Variants in ADGRL2 observed in about 807,000 individuals in gnomAD.
The protein encoded by ADGRL2 is adhesion G protein-coupled receptor L2.
A neutral mutation model predicts 157.4 loss-of-function variants in ADGRL2; 44 were observed. The ratio of observed to expected loss-of-function variants is 0.28; its 90% CI spans 0.22 to 0.36. ADGRL2 has a LOEUF of 0.36. Ranked by LOEUF, ADGRL2 falls within the 10% of genes least tolerant of loss-of-function variation. ADGRL2 has a pLI of 1.00. For synonymous variants in ADGRL2, 585 were observed against 624.7 expected, an observed-to-expected ratio of 0.94 and a Z score of 0.95; for missense variants, 1,510 against 1,768.9, an observed-to-expected ratio of 0.85 and a Z score of 2.63.
intron 1 of ADGRL2, among the ~76,000 whole-genome samples, chr1:81,373,552 C>T (rs12037889): frequency 6.6e-6 from 1 of 152,156 alleles, no homozygotes; most frequent in Non-Finnish European, 1.5e-5. Flanking sequence ...ATGCTACTTA[C>T]AGGGTTCATC....
In ADGRL2 at chr1:81,989,767, T is replaced by C. The variant is rs1027340312; in HGVS notation, c.3656-624T>C. ...TTGGATGGTGCTTGTGGGCCCCTGGTCCAGTCAGTATGAGAGATGGCTGTC... is the reference window on the plus strand; with the variant it reads ...TTGGATGGTGCTTGTGGGCCCCTGGCCCAGTCAGTATGAGAGATGGCTGTC... On this transcript the variant is annotated intron_variant, in intron 23 of 23. Coordinates refer to ENST00000686636, the MANE Select transcript of ADGRL2 (RefSeq NM_001366006.2). The C allele has an allele frequency of 3.1e-6, 5 of 1,595,192 alleles. No homozygotes were observed. The African/African-American group carries it at 6.7e-5, about 21-fold the overall frequency.
upstream of ADGRL2, among the ~76,000 whole-genome samples, chr1:81,800,769 G>A (rs2087925080): frequency 6.6e-6 from 1 of 151,410 alleles, no homozygotes; most frequent in Non-Finnish European, 1.5e-5. Flanking sequence ...GCAGTGAGTG[G>A]AGTTTGGGGG....
At chr1:81,846,239 T>A (rs2092783048) in intron 2 of ADGRL2, among the ~76,000 whole-genome samples, 2 of 151,762 alleles carry the variant, frequency 1.3e-5, no homozygotes, top group Non-Finnish European at 2.9e-5. Context: ...ACACTGTTTA[T>A]ATCTACATAG....
At chr1:81,923,864 T>C (rs1235411883) in intron 3 of ADGRL2, among the ~76,000 whole-genome samples, 2 of 152,170 alleles carry the variant, frequency 1.3e-5, no homozygotes, top group Non-Finnish European at 2.9e-5. Flanking sequence ...CAGTACCCAC[T>C]GCTCTTGGAG....
intron 1 of ADGRL2, among the ~76,000 whole-genome samples, chr1:81,340,695 C>T (rs1662008373): frequency 6.6e-6 from 1 of 152,002 alleles, no homozygotes; most frequent in African/African-American, 2.4e-5. Flanking sequence ...ATCTGTGGCA[C>T]ACCAGATAAG....
intron 1 of ADGRL2, among the ~76,000 whole-genome samples, chr1:81,339,539 G>T (rs937859861): frequency 2.0e-5 from 3 of 152,074 alleles, no homozygotes; most frequent in Admixed American, 6.5e-5. Flanking sequence ...CTTAACTTCT[G>T]TTAATCTTTC....
Position 81,318,928 on chromosome 1 carries a change from C to CTTTTT in ADGRL2, c.-302+12445_-302+12449dup, listed in dbSNP as rs397980625. Among the ~76,000 whole-genome samples, 27 of 45,832 alleles carry CTTTTT rather than the reference C, an allele frequency of 5.9e-4. 3 individuals are homozygous for CTTTTT. The highest frequency in any genetic ancestry group is 3.2e-3 in the East Asian group (3 of 930). 30.1% of individuals were successfully genotyped at this position (45,832 alleles called of 152,430 possible). A position where few individuals can be genotyped will look rare whatever the true frequency, so the allele number is the denominator to read the frequency against. ...TTTTATCCTCCATCCTCCATCAATT[C>CTTTTT]TTTTTTTTTTTTTTTTTTTTTTTTT... On this transcript the variant is annotated intron_variant, in intron 1 of 24. Coordinates refer to the ADGRL2 transcript ENST00000370721.
chr1:81,427,523 G>C, intron 1 of ADGRL2: 1 of 749,962 alleles, frequency 1.3e-6, no homozygotes, highest in South Asian at 1.3e-5. Flanking sequence ...CCCATGTAAG[G>C]GGGCAGTTTT....
At chr1:81,408,307 C>A (rs966599265) in intron 1 of ADGRL2, among the ~76,000 whole-genome samples, 1 of 131,914 alleles carries the variant, frequency 7.6e-6, no homozygotes, top group African/African-American at 2.9e-5. Flanking sequence ...CACTGTAACA[C>A]AGAATGCTCA....
At chr1:81,951,576 C>T (rs1198824458) in intron 8 of ADGRL2, among the ~76,000 whole-genome samples, 3 of 151,938 alleles carry the variant, frequency 2.0e-5, no homozygotes, top group East Asian at 1.9e-4. Context: ...ACCTTTATGA[C>T]GAATAAACAT....
Position 81,747,293 on chromosome 1 carries a change from G to GTATA in ADGRL2, c.-142-14506_-142-14503dup, listed in dbSNP as rs1183759275. Among the ~76,000 whole-genome samples, 147 of 144,744 alleles carry GTATA rather than the reference G, an allele frequency of 1.0e-3. 1 individual carries two copies. The highest frequency in any genetic ancestry group is 3.4e-3 in the African/African-American group (134 of 38,896). The allele number at this position is 144,744 out of a possible 152,430, so 95.0% of individuals were successfully genotyped here. On this transcript the variant is annotated intron_variant, in intron 1 of 20. Coordinates refer to the ADGRL2 transcript ENST00000359929. The stretch of plus-strand genomic sequence containing the variant: ...TGTATATATACATGTGCATACATGT[G>GTATA]TATATATATATATATTTTTTTTTTT...
At chr1:81,341,650 T>TG (rs1662082562) in intron 1 of ADGRL2, among the ~76,000 whole-genome samples, 1 of 152,176 alleles carries the variant, frequency 6.6e-6, no homozygotes. Context: ...AGCATTTTAA[T>TG]GGAAGTGATA....
rs190234419 is a variant in ADGRL2 at position 81,986,189 on chromosome 1, G to A, written c.3509-712G>A. Among the ~76,000 whole-genome samples, 60 of 152,152 alleles carry A rather than the reference G, an allele frequency of 3.9e-4. 1 individual carries two copies. Among genetic ancestry groups the A allele is most frequent in the African/African-American group, 1.4e-3 (59 of 41,552 alleles). On this transcript the variant is annotated intron_variant, in intron 21 of 23. Transcript: ENST00000686636. ...TAATTTGTCAGTTAGAATGAAAGACGTGCATTTCTTCTGTTGCTTTGGTAT... is the reference window on the plus strand; with the variant it reads ...TAATTTGTCAGTTAGAATGAAAGACATGCATTTCTTCTGTTGCTTTGGTAT...
chr1:81,803,456 C>T (rs2149514164), intron 1 of ADGRL2, among the ~76,000 whole-genome samples: 1 of 152,174 alleles, frequency 6.6e-6, no homozygotes, highest in Non-Finnish European at 1.5e-5. Flanking sequence ...ATCCTCTGTT[C>T]ACTCTGTGCT....
At chr1:81,609,399 CA>C (rs1439676157) in intron 3 of ADGRL2, among the ~76,000 whole-genome samples, 1 of 152,098 alleles carries the variant, frequency 6.6e-6, no homozygotes, top group Non-Finnish European at 1.5e-5. Flanking sequence ...CCACTTGATA[CA>C]AGTAACTCTT....
intron 23 of ADGRL2, chr1:81,990,007 C>T (rs1664260624): frequency 1.8e-5 from 18 of 984,232 alleles, no homozygotes; most frequent in Non-Finnish European, 2.1e-5. Flanking sequence ...TTTTTATAAA[C>T]CATAGTCTTG....
In ADGRL2 at chr1:81,897,053, G is replaced by A. The variant is rs535431771; in HGVS notation, c.74-9964G>A. On this transcript the variant is annotated intron_variant, in intron 2 of 23. Coordinates refer to ENST00000686636, the MANE Select transcript of ADGRL2 (RefSeq NM_001366006.2). Reference sequence around the variant, plus strand: ...TTCCTAGTATCCCAAGTGTCTAGAAGAGTGCTAGGCACATAGTAGTTACTC... The same window carrying A: ...TTCCTAGTATCCCAAGTGTCTAGAAAAGTGCTAGGCACATAGTAGTTACTC... Among the ~76,000 whole-genome samples the A allele has an allele frequency of 1.1e-4, 17 of 152,286 alleles. No homozygotes were observed. The East Asian group carries it at 3.3e-3, about 29-fold the overall frequency.
chr1:81,347,057 A>G (rs948844720), intron 1 of ADGRL2, among the ~76,000 whole-genome samples: 3 of 152,164 alleles, frequency 2.0e-5, no homozygotes, highest in South Asian at 2.1e-4. Flanking sequence ...TCATCTTCTT[A>G]TTGAAGATAT....
chr1:81,636,501 T>A (rs1160998235), intron 3 of ADGRL2, among the ~76,000 whole-genome samples: 5 of 152,228 alleles, frequency 3.3e-5, no homozygotes, highest in African/African-American at 1.2e-4. Context: ...ACCCATACTC[T>A]AATTGGAAAA....
Sources: gnomAD v4.1 joint callset for allele counts (sites outside exome capture counted in the v4.1 genomes callset) on GRCh38, gnomAD v4.1.1 for gene constraint, MANE v1.5 for transcripts, NCBI Gene and HGNC (gene_info 2026-07-23, HGNC 2026-07-21) for gene names.